Variants in CPM observed in about 807,000 individuals in gnomAD.
The protein encoded by CPM is renal carboxypeptidase.
CPM carries 35 observed loss-of-function variants against 46.4 expected under a neutral mutation model. The observed-to-expected ratio is 0.75, with a 90% CI of 0.58 to 1.00. The LOEUF (loss-of-function observed/expected upper bound fraction) is 1.00, where lower values mean the gene tolerates loss of function less well. Ranked by LOEUF, CPM falls within the 50% of genes least tolerant of loss-of-function variation. The pLI is 0.00. For synonymous variants in CPM, 195 were observed against 195.3 expected, an observed-to-expected ratio of 1.00 and a Z score of 0.01; for missense variants, 422 against 530.4, an observed-to-expected ratio of 0.80 and a Z score of 2.01.
chr12:68,933,729 G>A (rs1214528848), upstream of CPM, among the ~76,000 whole-genome samples: 1 of 152,226 alleles, frequency 6.6e-6, no homozygotes, highest in African/African-American at 2.4e-5. Flanking sequence ...AGCAATCACG[G>A]GGCTTCGAGA....
chr12:68,869,364 T>G lies in CPM; in HGVS notation c.748A>C (p.Asn250His). The G allele has an allele frequency of 6.2e-7, 1 of 1,613,966 alleles. No individual in the cohort carries two copies. Among genetic ancestry groups the G allele is most frequent in the Non-Finnish European group, 8.5e-7 (1 of 1,179,962 alleles). Residue 250 changes from asparagine to histidine, a missense_variant, in exon 6 of 9, where the codon AAT becomes CAT. By Grantham distance (68) the Asn-to-His change is moderately conservative. Coordinates refer to ENST00000551568, the MANE Select transcript of CPM (RefSeq NM_198320.5). ...DECKNKMNFP[N>H]GVTNGYSWYP... The stretch of plus-strand genomic sequence containing the variant: ...CAAGAGTATCCATTTGTAACACCAT[T>G]AGGAAAGTTCATTTTGTTTTTACAC...
intron 2 of CPM, among the ~76,000 whole-genome samples, chr12:68,922,128 C>T (rs1239467220): frequency 6.6e-6 from 1 of 152,102 alleles, no homozygotes; most frequent in African/African-American, 2.4e-5. Context: ...TGACTCTGCC[C>T]AGGGAATAGA....
intron 2 of CPM, among the ~76,000 whole-genome samples, chr12:68,914,704 G>A (rs1363286213): frequency 6.6e-6 from 1 of 152,186 alleles, no homozygotes; most frequent in Admixed American, 6.5e-5. Flanking sequence ...TTTAAGGAAT[G>A]CATCCCCAAG....
Position 68,854,298 on chromosome 12 carries a change from C to T in CPM, c.*2139G>A, listed in dbSNP as rs1414360666. On this transcript the variant is annotated 3_prime_UTR_variant, in exon 9 of 9. Coordinates refer to ENST00000551568, the MANE Select transcript of CPM (RefSeq NM_198320.5). ...GGCACCCCTTGTTCATTCATTCATTCAGTACCTACTATGTGCTAGGCTTTG... is the reference window on the plus strand; with the variant it reads ...GGCACCCCTTGTTCATTCATTCATTTAGTACCTACTATGTGCTAGGCTTTG... 1 of 152,212 alleles carries T rather than the reference C, an allele frequency of 6.6e-6. No individual in the cohort carries two copies. The highest frequency in any genetic ancestry group is 6.5e-5 in the Admixed American group (1 of 15,278). The allele number at this position is 152,212 out of a possible 1,614,324, so 9.4% of individuals were successfully genotyped here. A position where few individuals can be genotyped will look rare whatever the true frequency, so the allele number is the denominator to read the frequency against.
chr12:68,916,687 G>A (rs578028117), intron 2 of CPM, among the ~76,000 whole-genome samples: 8 of 151,980 alleles, frequency 5.3e-5, no homozygotes, highest in Non-Finnish European at 1.0e-4. Context: ...TCAGGAGTTC[G>A]AGACCAACCT....
At chr12:68,883,650 C>G (rs1886296860) in intron 3 of CPM, among the ~76,000 whole-genome samples, 1 of 152,066 alleles carries the variant, frequency 6.6e-6, no homozygotes, top group African/African-American at 2.4e-5. Context: ...AAAGAATAAA[C>G]AAATTCGGGG....
chr12:68,875,475 A>G (rs1455567483), intron 3 of CPM, among the ~76,000 whole-genome samples: 2 of 152,148 alleles, frequency 1.3e-5, no homozygotes, highest in African/African-American at 4.8e-5. Flanking sequence ...CTACAATTTC[A>G]AAGTTTTTAA....
intron 2 of CPM, among the ~76,000 whole-genome samples, chr12:68,898,580 TA>T (rs1259128437): frequency 6.6e-6 from 1 of 152,178 alleles, no homozygotes; most frequent in Non-Finnish European, 1.5e-5. Flanking sequence ...TTTTGAGATT[TA>T]AATCTCAAAA....
At chr12:68,884,093 A>C (rs1039146661) in intron 3 of CPM, among the ~76,000 whole-genome samples, 1 of 141,166 alleles carries the variant, frequency 7.1e-6, no homozygotes, top group Non-Finnish European at 1.5e-5. Context: ...CTGGGAGACA[A>C]GAGCGAAATT....
At chr12:68,939,087 C>T (rs1432972934) in intron 1 of CPM, among the ~76,000 whole-genome samples, 1 of 145,438 alleles carries the variant, frequency 6.9e-6, no homozygotes, top group East Asian at 2.0e-4. Context: ...TATGTATACA[C>T]ATATGTATCT....
intron 1 of CPM, among the ~76,000 whole-genome samples, chr12:68,938,302 T>TG (rs138926825): frequency 0.016 from 2,405 of 152,066 alleles, 61 homozygotes; most frequent in African/African-American, 0.055. Context: ...CTGAGGAGGC[T>TG]GGGGCAGGAG....
chr12:68,872,314 G>A (rs1212075733), intron 3 of CPM, among the ~76,000 whole-genome samples: 3 of 145,908 alleles, frequency 2.1e-5, no homozygotes, highest in Non-Finnish European at 3.0e-5. Context: ...GTGCATTGGC[G>A]CGATCTTGGC....
chr12:68,944,575 T>C (rs1888815659), intron 1 of CPM, among the ~76,000 whole-genome samples: 1 of 152,140 alleles, frequency 6.6e-6, no homozygotes, highest in African/African-American at 2.4e-5. Flanking sequence ...AGATAATTTA[T>C]TTTTTGTAGA....
intron 4 of CPM, among the ~76,000 whole-genome samples, chr12:68,871,214 A>T (rs1352006424): frequency 6.6e-6 from 1 of 152,220 alleles, no homozygotes; most frequent in Non-Finnish European, 1.5e-5. Context: ...TCAACCGGTC[A>T]TTACCAAGGG....
chr12:68,858,469 T>A (rs573823713), intron 8 of CPM, among the ~76,000 whole-genome samples: 3 of 152,340 alleles, frequency 2.0e-5, no homozygotes, highest in South Asian at 2.1e-4. Context: ...ATTTGCTGAA[T>A]ATAGTGTTAA....
Position 68,856,671 on chromosome 12 carries a change from G to A in CPM, c.1098C>T (p.Val366=), listed in dbSNP as rs1320121322. The A allele has an allele frequency of 1.2e-6, 2 of 1,613,462 alleles. No homozygotes were observed. Among genetic ancestry groups the A allele is most frequent in the African/African-American group, 2.7e-5 (2 of 74,906 alleles). Residue 366 remains valine (V), a synonymous_variant, in exon 9 of 9, where the codon GTC becomes GTT. Coordinates refer to ENST00000551568, the MANE Select transcript of CPM (RefSeq NM_198320.5). ...TTGTGATGTGTGGATCATGTCCAGG[G>A]ACTGTAACCTGAGAAGAAACAAGAG... ...LPGSYIINVT[V]PGHDPHITKV... is the part of the protein sequence containing the mutation.
At chr12:68,843,742 G>T (rs1392506429) in intron 5 of CPM, 2 of 223,244 alleles carry the variant, frequency 9.0e-6, no homozygotes, top group African/African-American at 2.2e-5. Flanking sequence ...TGGCCAAAGG[G>T]ATTAGTAGTT....
At chr12:68,842,957 G>A (rs1883918807) in intron 5 of CPM, 1 of 210,608 alleles carries the variant, frequency 4.7e-6, no homozygotes, top group East Asian at 7.1e-5. Context: ...TGAAATAACT[G>A]ACACTATATA....
At chr12:68,948,313 G>A (rs1379894862) in intron 1 of CPM, among the ~76,000 whole-genome samples, 2 of 152,088 alleles carry the variant, frequency 1.3e-5, no homozygotes, top group Admixed American at 6.6e-5. Flanking sequence ...ATTATCATTC[G>A]TGAGGAAGAT....
Sources: gnomAD v4.1 joint callset for allele counts (sites outside exome capture counted in the v4.1 genomes callset) on GRCh38, gnomAD v4.1.1 for gene constraint, MANE v1.5 for transcripts, NCBI Gene and HGNC (gene_info 2026-07-23, HGNC 2026-07-21) for gene names.